Variants in JMJD1C observed in about 807,000 individuals in gnomAD.
JMJD1C encodes the protein jumonji domain-containing protein 1C.
Under a neutral mutation model 245.3 loss-of-function variants are expected in JMJD1C, and 31 were observed. The ratio of observed to expected loss-of-function variants is 0.13; its 90% CI spans 0.09 to 0.17. JMJD1C has a LOEUF of 0.17. Among genes scored for constraint, JMJD1C ranks in the 10% least tolerant of loss-of-function variants. The pLI, the probability that JMJD1C is intolerant of heterozygous loss-of-function variation, is 1.00. For synonymous variants in JMJD1C, 1,057 were observed against 1,017.4 expected, an observed-to-expected ratio of 1.04 and a Z score of -0.74; for missense variants, 2,691 against 3,000.2, an observed-to-expected ratio of 0.90 and a Z score of 2.41.
chr10:63,222,236 C>G, intron 3 of JMJD1C: 4 of 785,344 alleles, frequency 5.1e-6, no homozygotes, highest in Non-Finnish European at 9.4e-6. Flanking sequence ...GGTTCAAAAG[C>G]ATCAAGATGA....
chr10:63,251,289 A>T (rs1295587823), intron 3 of JMJD1C, among the ~76,000 whole-genome samples: 1 of 152,172 alleles, frequency 6.6e-6, no homozygotes, highest in African/African-American at 2.4e-5. Flanking sequence ...GGCAAAGAAC[A>T]TCTGAAAAAG....
chr10:63,509,862 T>C (rs1460413393), intron 1 of JMJD1C, among the ~76,000 whole-genome samples: 1 of 152,218 alleles, frequency 6.6e-6, no homozygotes, highest in Non-Finnish European at 1.5e-5. Flanking sequence ...TTTGATTTTA[T>C]TGATTTTCTC....
In JMJD1C at chr10:63,294,732, G is replaced by C. The variant is rs183896244; in HGVS notation, c.334-29968C>G. ...CACACAGTAAAAATAGTTTTAACTT[G>C]TTATTTATGCATGTATCTGTCTCCA... On this transcript the variant is annotated intron_variant, in intron 2 of 25. Coordinates refer to ENST00000399262, the MANE Select transcript of JMJD1C (RefSeq NM_032776.3). Among the ~76,000 whole-genome samples, 158 of 152,216 alleles carry C rather than the reference G, an allele frequency of 1.0e-3. 1 individual carries two copies. Among genetic ancestry groups the C allele is most frequent in the African/African-American group, 3.5e-3 (145 of 41,544 alleles).
At chr10:63,514,011 C>A (rs534234758) in intron 1 of JMJD1C, among the ~76,000 whole-genome samples, 5 of 151,950 alleles carry the variant, frequency 3.3e-5, no homozygotes, top group Non-Finnish European at 7.4e-5. Context: ...TACAAGCAGC[C>A]AACAAACATG....
chr10:63,443,932 T>A (rs1951540411), intron 1 of JMJD1C, among the ~76,000 whole-genome samples: 1 of 152,232 alleles, frequency 6.6e-6, no homozygotes, highest in African/African-American at 2.4e-5. Flanking sequence ...AACATGTTTC[T>A]AAATATACAA....
rs187236765 is a variant in JMJD1C at position 63,182,040 on chromosome 10, T to A, written c.7084+1407A>T. Among the ~76,000 whole-genome samples, 8 of 152,228 alleles carry A rather than the reference T, an allele frequency of 5.3e-5. No individual in the cohort carries two copies. The East Asian group carries it at 1.5e-3, about 29-fold the overall frequency. ...TTCTACAGTTTTGAGGGATTTTAGG[T>A]TGTGTATTATAAAATTGTCAAATGT... On this transcript the variant is annotated intron_variant, in intron 22 of 25. Coordinates refer to ENST00000399262, the MANE Select transcript of JMJD1C (RefSeq NM_032776.3).
chr10:63,384,560 C>G (rs897941716), intron 1 of JMJD1C, among the ~76,000 whole-genome samples: 1 of 152,132 alleles, frequency 6.6e-6, no homozygotes, highest in Non-Finnish European at 1.5e-5. Context: ...GAATCTTTTT[C>G]TCTGAGTAGT....
At chr10:63,188,966 A>G (rs2132950866) in intron 18 of JMJD1C, among the ~76,000 whole-genome samples, 1 of 152,312 alleles carries the variant, frequency 6.6e-6, no homozygotes, top group Middle Eastern at 3.4e-3. Flanking sequence ...TTCCCTATTA[A>G]TTCATATTAA....
chr10:63,178,914 A>G (rs1843135100), intron 22 of JMJD1C, among the ~76,000 whole-genome samples: 1 of 152,216 alleles, frequency 6.6e-6, no homozygotes, highest in South Asian at 2.1e-4. Flanking sequence ...TATAAATTTA[A>G]GGGGTACAAC....
At position 63,507,644 on chromosome 10, in the gene JMJD1C, C is replaced by CAAAAAAAAAAAAAAAAAAAAAAA. The variant is rs34738955; in HGVS notation, n.113+14093_113+14094insTTTTTTTTTTTTTTTTTTTTTTT. On this transcript the variant is annotated intron_variant and non_coding_transcript_variant, in intron 1 of 3. Coordinates refer to the JMJD1C transcript ENST00000633035. ...TGGGCAACAGAGTAAGACTCTGTCT[C>CAAAAAAAAAAAAAAAAAAAAAAA]AAAAAAAAAAAAAAAAAAACAGTGG... 4.4e-4 allele frequency among the ~76,000 whole-genome samples: 26 copies of CAAAAAAAAAAAAAAAAAAAAAAA among 58,758 alleles called. 5 individuals carry two copies. The highest frequency in any genetic ancestry group is 2.1e-3 in the African/African-American group (22 of 10,328). 38.5% of individuals were successfully genotyped at this position (58,758 alleles called of 152,430 possible). A position where few individuals can be genotyped will look rare whatever the true frequency, so the allele number is the denominator to read the frequency against.
At chr10:63,267,131 G>T (rs1450587931) in intron 2 of JMJD1C, among the ~76,000 whole-genome samples, 2 of 152,142 alleles carry the variant, frequency 1.3e-5, no homozygotes, top group Non-Finnish European at 2.9e-5. Context: ...ACAAGTGGAA[G>T]TCCAAAGTAT....
chr10:63,272,054 CAG>C (rs1240520687), intron 2 of JMJD1C, among the ~76,000 whole-genome samples: 1 of 137,010 alleles, frequency 7.3e-6, no homozygotes, highest in Non-Finnish European at 1.5e-5. Flanking sequence ...GCCTGGGAGA[CAG>C]AGCAAGACTC....
chr10:63,362,911 T>A (rs1012610252), intron 2 of JMJD1C, among the ~76,000 whole-genome samples: 1 of 151,948 alleles, frequency 6.6e-6, no homozygotes, highest in East Asian at 1.9e-4. Context: ...TGAGTGAGAG[T>A]GGCTTGGTGA....
At chr10:63,242,008 C>T (rs1380312273) in intron 3 of JMJD1C, among the ~76,000 whole-genome samples, 2 of 152,108 alleles carry the variant, frequency 1.3e-5, no homozygotes, top group Non-Finnish European at 2.9e-5. Flanking sequence ...CTTATAACCT[C>T]AATTTCCTTT....
intron 2 of JMJD1C, among the ~76,000 whole-genome samples, chr10:63,353,343 G>A (rs1191427360): frequency 6.6e-6 from 1 of 152,122 alleles, no homozygotes; most frequent in African/African-American, 2.4e-5. Flanking sequence ...TGGTTCATAA[G>A]GCTACAAAGG....
chr10:63,456,384 G>A (rs1418169379), intron 1 of JMJD1C, among the ~76,000 whole-genome samples: 2 of 152,082 alleles, frequency 1.3e-5, no homozygotes, highest in Non-Finnish European at 2.9e-5. Context: ...TCCTAGTCCT[G>A]TATTGCATCA....
upstream of JMJD1C, among the ~76,000 whole-genome samples, chr10:63,467,983 G>A (rs1368020196): frequency 6.6e-6 from 1 of 152,184 alleles, no homozygotes; most frequent in East Asian, 1.9e-4. Context: ...TAAGAGTATA[G>A]GTTGCTAGTT....
At chr10:63,388,177 A>G (rs1208243661) in intron 1 of JMJD1C, among the ~76,000 whole-genome samples, 1 of 152,170 alleles carries the variant, frequency 6.6e-6, no homozygotes, top group Non-Finnish European at 1.5e-5. Flanking sequence ...TCTTTTCCAG[A>G]GCACCTTATA....
At chr10:63,490,421 TA>T (rs1487141164) in intron 1 of JMJD1C, among the ~76,000 whole-genome samples, 1,190 of 101,760 alleles carry the variant, frequency 0.012, 37 homozygotes, top group East Asian at 0.059. Flanking sequence ...TTATTTATTT[TA>T]TTTTTTTTTT....
Sources: allele counts gnomAD v4.1 joint callset (sites outside exome capture counted in the v4.1 genomes callset), GRCh38; gene constraint gnomAD v4.1.1; transcripts MANE v1.5; gene names NCBI Gene and HGNC (gene_info 2026-07-23, HGNC 2026-07-21).